R3HDM1: variants seen among roughly 807,000 people sequenced by gnomAD.
The protein encoded by R3HDM1 is R3H domain containing 1, also known as R3H domain-containing protein 1.
A neutral mutation model predicts 141.1 loss-of-function variants in R3HDM1; 46 were observed. The ratio of observed to expected loss-of-function variants is 0.33; its 90% confidence interval spans 0.26 to 0.42. R3HDM1 has a LOEUF of 0.42. Among genes scored for constraint, R3HDM1 ranks in the 10% least tolerant of loss-of-function variants. The pLI, the probability that R3HDM1 is intolerant of heterozygous loss-of-function variation, is 1.00. For synonymous variants in R3HDM1, 435 were observed against 472.9 expected (o/e 0.92, Z 1.04); for missense variants, 1,184 against 1,368.3 (o/e 0.87, Z 2.12).
chr2:135,566,691 G>C (rs1702854870), intron 1 of R3HDM1: 1 of 961,410 alleles, frequency 1.0e-6, no homozygotes, highest in Non-Finnish European at 1.2e-6. Context: ...TGTTTGGTGA[G>C]CAAGAGGTTC....
chr2:135,638,677 GT>G, intron 12 of R3HDM1, 22 bp downstream of exon 12: 2 of 1,611,130 alleles, frequency 1.2e-6, no homozygotes, highest in Non-Finnish European at 1.7e-6. Flanking sequence ...TTTAACATCT[GT>G]TTTGGTAATT....
intron 1 of R3HDM1, among the ~76,000 whole-genome samples, chr2:135,550,580 A>G (rs993510193): frequency 1.3e-5 from 2 of 152,190 alleles, no homozygotes; most frequent in Admixed American, 6.6e-5. Context: ...GATAAGGGGT[A>G]ATTGGTGTTC....
Position 135,602,655 on chromosome 2 carries a change from AT to A in R3HDM1, c.-90del. 6.5e-7 allele frequency: 1 copy of A among 1,545,958 alleles called. No homozygotes were observed. Among genetic ancestry groups the A allele is most frequent in the Non-Finnish European group, 8.7e-7 (1 of 1,145,614 alleles). On this transcript the variant is annotated 5_prime_UTR_variant, in exon 2 of 27. It removes the in-frame stop codon of an upstream open reading frame in the 5' UTR. Transcript: ENST00000683871. Reference sequence around the variant, plus strand: ...CAACTGTGAAAAAGAACCTTGGATTATTTTATTTTATTTTTGTGGGACACCA... The same window carrying A: ...CAACTGTGAAAAAGAACCTTGGATTATTTATTTTATTTTTGTGGGACACCA...
intron 1 of R3HDM1, among the ~76,000 whole-genome samples, chr2:135,533,772 G>A (rs965032567): frequency 6.6e-6 from 1 of 152,102 alleles, no homozygotes; most frequent in Non-Finnish European, 1.5e-5. Context: ...TCAGCTACTC[G>A]GGAGGCTGAG....
At chr2:135,719,393 G>A (rs186730315) in intron 24 of R3HDM1, among the ~76,000 whole-genome samples, 3 of 151,294 alleles carry the variant, frequency 2.0e-5, no homozygotes, top group Non-Finnish European at 2.9e-5. Flanking sequence ...CAAGAGAATC[G>A]CTTGAACCTG....
At chr2:135,581,556 G>T (rs1357639862) in intron 1 of R3HDM1, among the ~76,000 whole-genome samples, 3 of 152,134 alleles carry the variant, frequency 2.0e-5, no homozygotes, top group Non-Finnish European at 4.4e-5. Flanking sequence ...AGTTGAAGAG[G>T]ATGATTTAGG....
chr2:135,691,783 A>C (rs2072426818), intron 21 of R3HDM1, among the ~76,000 whole-genome samples: 1 of 152,162 alleles, frequency 6.6e-6, no homozygotes, highest in African/African-American at 2.4e-5. Context: ...ACAAAACAAG[A>C]CTCTGTCTCA....
chr2:135,602,533 C>T lies in R3HDM1; in HGVS notation c.-216C>T, dbSNP rs1359765976. 25 of 1,424,034 alleles carry T rather than the reference C, an allele frequency of 1.8e-5. No homozygotes were observed. The East Asian group carries it at 6.5e-4, about 37-fold the overall frequency. The allele number at this position is 1,424,034 out of a possible 1,614,324, so 88.2% of individuals were successfully genotyped here. On this transcript the variant is annotated 5_prime_UTR_variant, in exon 2 of 27. Transcript: ENST00000683871. Reference sequence around the variant, plus strand: ...AAGGTATGATATATTTGATCCAAGACAGTCCATTCCAGTCCGGGAATCTAC... The same window carrying T: ...AAGGTATGATATATTTGATCCAAGATAGTCCATTCCAGTCCGGGAATCTAC...
chr2:135,701,134 C>T (rs959543513), intron 21 of R3HDM1, among the ~76,000 whole-genome samples: 9 of 148,516 alleles, frequency 6.1e-5, no homozygotes, highest in Admixed American at 5.5e-4. Context: ...CCTGTGATCC[C>T]AACACTTTGG....
At chr2:135,578,451 C>G (rs1288554252) in intron 1 of R3HDM1, among the ~76,000 whole-genome samples, 1 of 152,152 alleles carries the variant, frequency 6.6e-6, no homozygotes, top group Non-Finnish European at 1.5e-5. Flanking sequence ...ACTTCTCTGA[C>G]TATAGTTTTT....
At chr2:135,615,924 G>C (rs1475056764) in intron 3 of R3HDM1, among the ~76,000 whole-genome samples, 1 of 152,130 alleles carries the variant, frequency 6.6e-6, no homozygotes. Context: ...AAAGAAAAAT[G>C]CCTAAGAAAG....
intron 1 of R3HDM1, among the ~76,000 whole-genome samples, chr2:135,554,056 G>A (rs886494267): frequency 6.6e-6 from 1 of 152,168 alleles, no homozygotes; most frequent in Non-Finnish European, 1.5e-5. Flanking sequence ...CCCTATTAAA[G>A]TGTACAGTTC....
Position 135,607,321 on chromosome 2 carries a change from T to C in R3HDM1, c.171+2305T>C, listed in dbSNP as rs1001502293. On this transcript the variant is annotated intron_variant, in intron 3 of 26. Transcript: ENST00000683871. ...GTTTTTAAAGGTTTTCTCATTCTTT[T>C]GTTCAGTCAAAAACTGTCTTTTTTT... The C allele has an allele frequency of 8.1e-6, 8 of 985,256 alleles. No individual in the cohort carries two copies. The African/African-American group carries it at 1.4e-4, about 17-fold the overall frequency. The allele number at this position is 985,256 out of a possible 1,614,324, so 61.0% of individuals were successfully genotyped here.
At chr2:135,697,583 A>C (rs1385433052) in intron 21 of R3HDM1, among the ~76,000 whole-genome samples, 2 of 152,270 alleles carry the variant, frequency 1.3e-5, no homozygotes, top group Admixed American at 6.5e-5. Context: ...GAAAATTACT[A>C]AAGTACAACT....
At chr2:135,628,944 C>G (rs1237600802) in intron 7 of R3HDM1, among the ~76,000 whole-genome samples, 1 of 151,466 alleles carries the variant, frequency 6.6e-6, no homozygotes. Flanking sequence ...GCTTTTGATT[C>G]TCGTCTTTAT....
At chr2:135,723,257 G>T (rs993222219) in intron 26 of R3HDM1, among the ~76,000 whole-genome samples, 1 of 151,830 alleles carries the variant, frequency 6.6e-6, no homozygotes, top group Non-Finnish European at 1.5e-5. Context: ...GAGTAGCTGG[G>T]ATTACAGTCG....
In R3HDM1 at chr2:135,675,461, C is replaced by T. The variant is rs1188755728; in HGVS notation, c.2282C>T (p.Pro761Leu). The part of the protein sequence containing the change: ...IGNQIQGVVI[P>L]YTSVPTYQVS... ...AATCAGATTCAAGGAGTGGTCATCC[C>T]CTATACTTCAGTGCCAACATATCAG... is the stretch of plus-strand genomic sequence containing the variant. The change falls in exon 20 of 27, where the codon CCC (proline) becomes CTC (leucine). Residue 761 changes from proline to leucine, a missense_variant. Around this residue, in one of 5 missense-constraint regions of R3HDM1, gnomAD observed 563 missense variants for 562.0 expected, o/e 1.00. Coordinates refer to ENST00000683871, the MANE Select transcript of R3HDM1 (RefSeq NM_001378107.1). 2 of 1,613,786 alleles carry T rather than the reference C, an allele frequency of 1.2e-6. No individual in the cohort carries two copies. The highest frequency in any genetic ancestry group is 2.2e-5 in the East Asian group (1 of 44,864).
chr2:135,569,454 G>A (rs1261745465), intron 1 of R3HDM1, among the ~76,000 whole-genome samples: 2 of 151,798 alleles, frequency 1.3e-5, no homozygotes, highest in East Asian at 3.9e-4. Flanking sequence ...CTGCACTCCA[G>A]CCTGGGCAAC....
intron 16 of R3HDM1, among the ~76,000 whole-genome samples, chr2:135,648,776 T>A (rs1338863203): frequency 5.2e-4 from 67 of 129,726 alleles, no homozygotes; most frequent in Non-Finnish European, 4.6e-4. Context: ...ATTACAACTT[T>A]AAAAAAAAAA....
Sources: allele counts gnomAD v4.1 joint callset (sites outside exome capture counted in the v4.1 genomes callset), GRCh38; gene constraint gnomAD v4.1.1; regional missense constraint gnomAD v4.1.1; transcripts MANE v1.5; gene names NCBI Gene and HGNC (gene_info 2026-07-23, HGNC 2026-07-21).